The following PKHD1L1 variants were observed in gnomAD, a reference collection of about 807,000 sequenced individuals.
The protein encoded by PKHD1L1 is PKHD1 like 1, also known as fibrocystin-L.
In PKHD1L1, 434 loss-of-function variants were observed where a neutral mutation model predicts 462.9. That is an observed-to-expected ratio of 0.94 (90% CI 0.87 to 1.02). The LOEUF (loss-of-function observed/expected upper bound fraction) is 1.02, where lower values mean the gene tolerates loss of function less well. Among genes scored for constraint, PKHD1L1 ranks in the 50% least tolerant of loss-of-function variants. PKHD1L1 has a pLI of 0.00. For missense variants in PKHD1L1, 5,202 were observed against 5,096.1 expected, an observed-to-expected ratio of 1.02 and a Z score of -0.63; for synonymous variants, 1,781 against 1,750.0, an observed-to-expected ratio of 1.02 and a Z score of -0.44.
rs755428381 is a variant in PKHD1L1 at position 109,497,242 on chromosome 8, C to CAA, written c.10572_10573dup (p.Ile3525LysfsTer13). On this transcript the variant is annotated frameshift_variant, in exon 65 of 78. Coordinates refer to ENST00000378402, the MANE Select transcript of PKHD1L1 (RefSeq NM_177531.6). LOFTEE classifies it high-confidence loss of function. ...TTTACATGCCAGCTGCTATATCACA[C>CAA]AAAATTTCCAGTAAAAATGTACAAA... 5.0e-5 allele frequency: 80 copies of CAA among 1,613,120 alleles called. 1 individual carries two copies. The Admixed American group carries it at 1.3e-3, about 26-fold the overall frequency.
At position 109,426,900 on chromosome 8, in the gene PKHD1L1, G is replaced by A. The variant is rs139408399; in HGVS notation, c.2846-102G>A. 9.6e-3 allele frequency: 6,730 copies of A among 699,076 alleles called. 69 individuals carry two copies. Among genetic ancestry groups the A allele is most frequent in the Middle Eastern group, 0.039 (93 of 2,406 alleles). 43.3% of individuals were successfully genotyped at this position (699,076 alleles called of 1,614,324 possible). ...ACGCCTGACCTCAGGTGACCCGCCC[G>A]CTTTGGCCTCCCAAAGTGCTAAGAT... is the stretch of plus-strand genomic sequence containing the variant. On this transcript the variant is annotated intron_variant, in intron 24 of 77. Transcript: ENST00000378402.
chr8:109,377,261 T>C (rs953536398), intron 2 of PKHD1L1, among the ~76,000 whole-genome samples: 2 of 152,196 alleles, frequency 1.3e-5, no homozygotes, highest in African/African-American at 4.8e-5. Context: ...GTTAGTATTA[T>C]AAATGGAATA....
At chr8:109,477,471 AAAT>A in intron 53 of PKHD1L1, 75 bp downstream of exon 53, 1 of 1,323,812 alleles carries the variant, frequency 7.6e-7, no homozygotes, top group Non-Finnish European at 1.0e-6. Flanking sequence ...CTCCTGGGTG[AAAT>A]AATAATGCTT....
intron 23 of PKHD1L1, among the ~76,000 whole-genome samples, chr8:109,423,366 C>A (rs1381015160): frequency 6.6e-6 from 1 of 152,080 alleles, no homozygotes; most frequent in Non-Finnish European, 1.5e-5. Context: ...CCAATTGTTT[C>A]AGCAACATTA....
At chr8:109,374,520 T>C (rs991887788) in intron 2 of PKHD1L1, among the ~76,000 whole-genome samples, 9 of 152,224 alleles carry the variant, frequency 5.9e-5, no homozygotes, top group African/African-American at 2.2e-4. Flanking sequence ...TATATTGTTA[T>C]GTGTGAATTT....
At chr8:109,428,449 G>C (rs1162940179) in intron 25 of PKHD1L1, among the ~76,000 whole-genome samples, 1 of 152,134 alleles carries the variant, frequency 6.6e-6, no homozygotes, top group Non-Finnish European at 1.5e-5. Flanking sequence ...GGGAAGGAGA[G>C]GAAGTGGAGA....
In PKHD1L1 at chr8:109,464,233, G is replaced by A. The variant is rs758011141; in HGVS notation, c.7401G>A (p.Gln2467=). 1.3e-5 allele frequency: 20 copies of A among 1,599,586 alleles called. No homozygotes were observed. Among genetic ancestry groups the A allele is most frequent in the Non-Finnish European group, 1.7e-5 (20 of 1,168,960 alleles). Residue 2467 remains glutamine (Q), a synonymous_variant, in exon 49 of 78, where the codon CAG becomes CAA. Coordinates refer to ENST00000378402, the MANE Select transcript of PKHD1L1 (RefSeq NM_177531.6). ...IEYVEVFHAG[Q]AFRLGRYPIH... is the part of the protein sequence containing the mutation. ...CTTAACAGGTATTCCATGCTGGCCA[G>A]GCTTTCCGGTTGGGGCGATATCCAA...
Position 109,419,035 on chromosome 8 carries a change from A to G in PKHD1L1, c.2361-62A>G, listed in dbSNP as rs1235225477. On this transcript the variant is annotated intron_variant, in intron 21 of 77. Transcript: ENST00000378402. ...ACTCTATAAAATTTTAATGCTTTCT[A>G]AAGTGTATTTGCTTAAACATTACCA... is the stretch of plus-strand genomic sequence containing the variant. 5.8e-6 allele frequency: 8 copies of G among 1,370,530 alleles called. No individual in the cohort carries two copies. The East Asian group carries it at 1.9e-4, about 32-fold the overall frequency. The allele number at this position is 1,370,530 out of a possible 1,614,324, so 84.9% of individuals were successfully genotyped here.
chr8:109,394,691 A>C (rs188574662), intron 10 of PKHD1L1, among the ~76,000 whole-genome samples: 1 of 152,300 alleles, frequency 6.6e-6, no homozygotes, highest in Non-Finnish European at 1.5e-5. Context: ...TTCTTAGTTT[A>C]AGATTGATTG....
intron 56 of PKHD1L1, among the ~76,000 whole-genome samples, chr8:109,482,343 T>C (rs1818313033): frequency 6.6e-6 from 1 of 151,894 alleles, no homozygotes; most frequent in Admixed American, 6.6e-5. Context: ...GTGCTTTTTA[T>C]TTCAAAAGTA....
At position 109,477,273 on chromosome 8, in the gene PKHD1L1, T is replaced by A; in HGVS notation, c.8966T>A (p.Leu2989Gln). ...CAGAGTCAGCTCATTTCTGGGAACCTGGATCCTGATGTGAAAGACGTTGTT... is the reference window on the plus strand; with the variant it reads ...CAGAGTCAGCTCATTTCTGGGAACCAGGATCCTGATGTGAAAGACGTTGTT... The part of the protein sequence containing the change: ...LHQSQLISGN[L>Q]DPDVKDVVIN... The change falls in exon 53 of 78, where the codon CTG becomes CAG. Residue 2989 changes from leucine to glutamine, a missense_variant. Leu to Gln is a moderately radical substitution (Grantham distance 113). Coordinates refer to ENST00000378402, the MANE Select transcript of PKHD1L1 (RefSeq NM_177531.6). 1 of 1,613,514 alleles carries A rather than the reference T, an allele frequency of 6.2e-7. No homozygotes were observed.
chr8:109,473,668 A>C (rs115224061), intron 50 of PKHD1L1, among the ~76,000 whole-genome samples: 7 of 152,078 alleles, frequency 4.6e-5, no homozygotes, highest in African/African-American at 1.7e-4. Context: ...ACAACAGACT[A>C]TCTCAAAACT....
rs1815895217 is a variant in PKHD1L1 at position 109,442,983 on chromosome 8, T to C, written c.4431T>C (p.His1477=). 1 of 1,613,576 alleles carries C rather than the reference T, an allele frequency of 6.2e-7. No homozygotes were observed. The highest frequency in any genetic ancestry group is 8.5e-7 in the Non-Finnish European group (1 of 1,179,574). ...FSYQFTSPGI[H]YYSSGYVDEA... ...ACCAATTTACTTCTCCTGGAATCCA[T>C]TATTATAGCAGCGGGTATGTTGATG... is the stretch of plus-strand genomic sequence containing the variant. The change falls in exon 36 of 78, where the codon CAT becomes CAC. Residue 1477 remains histidine (H), a synonymous_variant. Coordinates refer to ENST00000378402, the MANE Select transcript of PKHD1L1 (RefSeq NM_177531.6).
chr8:109,366,878 G>A (rs962360066), intron 2 of PKHD1L1, among the ~76,000 whole-genome samples: 5 of 151,936 alleles, frequency 3.3e-5, no homozygotes, highest in African/African-American at 1.2e-4. Context: ...ATTTTTAGTA[G>A]AGATGGGGTT....
chr8:109,510,529 C>T (rs897539809), intron 70 of PKHD1L1, among the ~76,000 whole-genome samples: 13 of 152,170 alleles, frequency 8.5e-5, no homozygotes, highest in African/African-American at 2.9e-4. Flanking sequence ...ATTAATGTAC[C>T]CTTCTTGCCC....
Position 109,461,917 on chromosome 8 carries a change from C to A in PKHD1L1, c.7383+9C>A, listed in dbSNP as rs920303206. On this transcript the variant is annotated intron_variant, in intron 48 of 77. Transcript: ENST00000378402. ...GAATAGAATATGTAGAGGTGAGAGG[C>A]ATTATTACTAAATCACAGTGGTTTG... 14 of 1,590,570 alleles carry A rather than the reference C, an allele frequency of 8.8e-6. No homozygotes were observed. Among genetic ancestry groups the A allele is most frequent in the African/African-American group, 2.7e-5 (2 of 74,520 alleles).
chr8:109,470,373 TA>T (rs1817657715), intron 50 of PKHD1L1: 2 of 1,560,974 alleles, frequency 1.3e-6, no homozygotes. Context: ...AACCCAAGCT[TA>T]TTATAGATCT....
chr8:109,507,854 A>G lies in PKHD1L1; in HGVS notation c.11186A>G (p.Asn3729Ser). 6.2e-7 allele frequency: 1 copy of G among 1,613,620 alleles called. No homozygotes were observed. Among genetic ancestry groups the G allele is most frequent in the Non-Finnish European group, 8.5e-7 (1 of 1,179,658 alleles). ...RIPKAMLTFL[N>S]GSRIPVTEKA... Reference sequence around the variant, plus strand: ...CCTAAGGCGATGCTCACATTCTTGAATGGAAGTAGAATTCCTGTCACTGAG... The same window carrying G: ...CCTAAGGCGATGCTCACATTCTTGAGTGGAAGTAGAATTCCTGTCACTGAG... The change falls in exon 69 of 78, where the codon AAT becomes AGT. Residue 3729 changes from asparagine to serine, a missense_variant. Coordinates refer to ENST00000378402, the MANE Select transcript of PKHD1L1 (RefSeq NM_177531.6).
In PKHD1L1 at chr8:109,445,466, G is replaced by T. The variant is rs776923698; in HGVS notation, c.5597G>T (p.Gly1866Val). The change falls in exon 38 of 78, where the codon GGG becomes GTG. Residue 1866 changes from glycine to valine, a missense_variant. Physicochemically the swap from Gly to Val is moderately radical, Grantham distance 109 (BLOSUM62 -3). Coordinates refer to ENST00000378402, the MANE Select transcript of PKHD1L1 (RefSeq NM_177531.6). Reference sequence around the variant, plus strand: ...CCAGGCAACACTACAGTCACTATTGGGGATGAACCTTGTCAAATTATTTCC... The same window carrying T: ...CCAGGCAACACTACAGTCACTATTGTGGATGAACCTTGTCAAATTATTTCC... ...FYPGNTTVTI[G>V]DEPCQIISIN... 6.2e-7 allele frequency: 1 copy of T among 1,613,798 alleles called. No individual in the cohort carries two copies. Among genetic ancestry groups the T allele is most frequent in the South Asian group, 1.1e-5 (1 of 91,060 alleles).
Sources: gnomAD v4.1 joint callset for allele counts (sites outside exome capture counted in the v4.1 genomes callset) on GRCh38, gnomAD v4.1.1 for gene constraint, MANE v1.5 for transcripts, NCBI Gene and HGNC (gene_info 2026-07-23, HGNC 2026-07-21) for gene names.